The following LIFR variants were observed in gnomAD, a reference collection of about 807,000 sequenced individuals.
The protein encoded by LIFR is leukemia inhibitory factor receptor.
Under a neutral mutation model 122.2 loss-of-function variants are expected in LIFR, and 84 were observed. That is an observed-to-expected ratio of 0.69 (90% CI 0.58 to 0.82). LIFR has a LOEUF of 0.82. Ranked by LOEUF, LIFR falls within the 40% of genes least tolerant of loss-of-function variation. LIFR has a pLI of 0.00. For missense variants in LIFR, 1,294 were observed against 1,311.6 expected (o/e 0.99, Z 0.21); for synonymous variants, 422 against 434.7 (o/e 0.97, Z 0.36).
chr5:38,599,066 T>C (rs1750176814), upstream of LIFR, among the ~76,000 whole-genome samples: 1 of 152,186 alleles, frequency 6.6e-6, no homozygotes, highest in African/African-American at 2.4e-5. Flanking sequence ...TCTAGACCTA[T>C]GGCCAGAAAA....
At chr5:38,484,934 G>T (rs1239025417) in intron 17 of LIFR, 66 bp from the exon 18 acceptor site, 3 of 1,070,836 alleles carry the variant, frequency 2.8e-6, no homozygotes, top group African/African-American at 3.1e-5. Context: ...ATAGATGTAT[G>T]TTAGAAGGTA....
At chr5:38,522,209 AC>A (rs1335170061) in intron 5 of LIFR, among the ~76,000 whole-genome samples, 2 of 152,204 alleles carry the variant, frequency 1.3e-5, no homozygotes, top group East Asian at 3.9e-4. Context: ...TAGTGGTGGC[AC>A]ATCACGCCCC....
At chr5:38,526,581 C>T (rs543890324) in intron 4 of LIFR, among the ~76,000 whole-genome samples, 4 of 152,124 alleles carry the variant, frequency 2.6e-5, no homozygotes, top group Admixed American at 2.0e-4. Flanking sequence ...GCTATACATG[C>T]ATTGCAGAGC....
intron 16 of LIFR, among the ~76,000 whole-genome samples, chr5:38,488,222 G>A (rs1374284761): frequency 2.0e-5 from 3 of 152,152 alleles, no homozygotes; most frequent in Admixed American, 6.5e-5. Context: ...CAATCATGAA[G>A]GTTCAGGAAA....
At chr5:38,485,528 A>C (rs1192094865) in intron 17 of LIFR, 1 of 429,646 alleles carries the variant, frequency 2.3e-6, no homozygotes, top group Non-Finnish European at 4.2e-6. Context: ...AAATATTTTT[A>C]AATGTTGACC....
At chr5:38,582,782 T>G (rs1749627490) in intron 1 of LIFR, among the ~76,000 whole-genome samples, 1 of 152,224 alleles carries the variant, frequency 6.6e-6, no homozygotes, top group South Asian at 2.1e-4. Context: ...TTCTCATCAC[T>G]GTTAATCTGC....
At chr5:38,496,823 T>C (rs1235507649) in intron 12 of LIFR, among the ~76,000 whole-genome samples, 1 of 148,548 alleles carries the variant, frequency 6.7e-6, no homozygotes, top group Non-Finnish European at 1.5e-5. Context: ...CCAAAAATAC[T>C]AAAATTAACC....
chr5:38,585,665 GAC>G (rs568543595), intron 1 of LIFR, among the ~76,000 whole-genome samples: 1 of 152,122 alleles, frequency 6.6e-6, no homozygotes, highest in African/African-American at 2.4e-5. Context: ...AAAATAGAGG[GAC>G]ACACAGTCAT....
At chr5:38,536,920 A>C (rs1747322421) in intron 1 of LIFR, among the ~76,000 whole-genome samples, 1 of 152,234 alleles carries the variant, frequency 6.6e-6, no homozygotes, top group Non-Finnish European at 1.5e-5. Flanking sequence ...TCCCCAAAAT[A>C]ACTTTTTGGT....
intron 18 of LIFR, 27 bp downstream of exon 18, chr5:38,484,748 C>A: frequency 7.0e-7 from 1 of 1,436,176 alleles, no homozygotes; most frequent in Non-Finnish European, 9.8e-7. Flanking sequence ...AAGAAGAAAA[C>A]AGCAAGAGTA....
At position 38,523,532 on chromosome 5, in the gene LIFR, T is replaced by C. The variant is rs1312335538; in HGVS notation, c.448A>G (p.Thr150Ala). Residue 150 changes from threonine (T) to alanine (A), a missense_variant, in exon 5 of 20, where the codon ACC (threonine) becomes GCC (alanine). Physicochemically the swap from Thr to Ala is moderately conservative, Grantham distance 58 (BLOSUM62 0). Transcript: ENST00000453190. ...TTCCACTTTAGGTATAATGTAGAGG[T>C]TGAGAAATCAGCAGACAAATTCAAG... is the stretch of plus-strand genomic sequence containing the variant. ...EILNLSADFS[T>A]STLYLKWNDR... 2 of 1,613,146 alleles carry C rather than the reference T, an allele frequency of 1.2e-6. No homozygotes were observed. Among genetic ancestry groups the C allele is most frequent in the Admixed American group, 3.3e-5 (2 of 59,982 alleles).
intron 1 of LIFR, among the ~76,000 whole-genome samples, chr5:38,573,102 A>C (rs1749269111): frequency 6.6e-6 from 1 of 152,258 alleles, no homozygotes; most frequent in Admixed American, 6.5e-5. Context: ...CACACTAATC[A>C]GCTCACAAGA....
chr5:38,541,744 T>C (rs2112612311), intron 1 of LIFR, among the ~76,000 whole-genome samples: 1 of 152,240 alleles, frequency 6.6e-6, no homozygotes, highest in Non-Finnish European at 1.5e-5. Flanking sequence ...ATATACAGGG[T>C]GTAATAATAG....
At chr5:38,532,203 C>G in intron 1 of LIFR, among the ~76,000 whole-genome samples, 1 of 152,218 alleles carries the variant, frequency 6.6e-6, no homozygotes, top group East Asian at 1.9e-4. Context: ...AAAAGAGACA[C>G]AGGCCCTACA....
At chr5:38,564,371 C>T (rs1029070666) in intron 1 of LIFR, among the ~76,000 whole-genome samples, 3 of 151,812 alleles carry the variant, frequency 2.0e-5, no homozygotes, top group African/African-American at 7.3e-5. Flanking sequence ...TACAGACACA[C>T]CACCATGCCT....
At chr5:38,502,262 T>G (rs984335754) in intron 11 of LIFR, among the ~76,000 whole-genome samples, 1 of 152,138 alleles carries the variant, frequency 6.6e-6, no homozygotes, top group African/African-American at 2.4e-5. Flanking sequence ...TAGCATTTTT[T>G]TTTTCTTATT....
At chr5:38,528,993 T>C (rs1206277907) in intron 2 of LIFR, among the ~76,000 whole-genome samples, 153 bp from the exon 3 acceptor site, 3 of 151,882 alleles carry the variant, frequency 2.0e-5, no homozygotes, top group Admixed American at 1.3e-4. Context: ...TTTTTTTTTT[T>C]TCAAAGAGAT....
rs192783614 is a variant in LIFR, at chr5:38,538,676, G to T, written c.-19-8010C>A. On this transcript the variant is annotated intron_variant, in intron 1 of 19. Coordinates refer to ENST00000453190, the MANE Select transcript of LIFR (RefSeq NM_001127671.2). ...ACTCTTTCCCCATCCTCTCCCTCCA[G>T]TCCATTTCTACTGCTCTGGAGGCTG... is the stretch of plus-strand genomic sequence containing the variant. Among the ~76,000 whole-genome samples, 748 of 152,178 alleles carry T rather than the reference G, an allele frequency of 4.9e-3. 15 individuals are homozygous for T. The highest frequency in any genetic ancestry group is 0.042 in the Admixed American group (647 of 15,288).
intron 2 of LIFR, among the ~76,000 whole-genome samples, chr5:38,529,174 T>C (rs1441573167): frequency 1.3e-5 from 2 of 151,628 alleles, no homozygotes; most frequent in African/African-American, 4.9e-5. Flanking sequence ...ATTAAGGGAG[T>C]GAGTGGCTAG....
Sources: gnomAD v4.1 joint callset for allele counts (sites outside exome capture counted in the v4.1 genomes callset) on GRCh38, gnomAD v4.1.1 for gene constraint, MANE v1.5 for transcripts, NCBI Gene and HGNC (gene_info 2026-07-23, HGNC 2026-07-21) for gene names.